Variants in PCMTD1 observed in about 807,000 individuals in gnomAD.
The protein encoded by PCMTD1 is protein-L-isoaspartate (D-aspartate) O-methyltransferase domain containing 1, also known as protein-L-isoaspartate O-methyltransferase domain-containing protein 1.
A neutral mutation model predicts 37.6 loss-of-function variants in PCMTD1; 12 were observed. The ratio of observed to expected loss-of-function variants is 0.32; its 90% CI spans 0.20 to 0.52. The LOEUF (loss-of-function observed/expected upper bound fraction) is 0.52, where lower values mean the gene tolerates loss of function less well. Among genes scored for constraint, PCMTD1 ranks in the 20% least tolerant of loss-of-function variants. PCMTD1 has a pLI of 0.97. For synonymous variants in PCMTD1, 117 were observed against 135.8 expected (o/e 0.86, Z 0.96); for missense variants, 235 against 421.3 (o/e 0.56, Z 3.87).
At chr8:51,877,293 A>G (rs13257291) in intron 1 of PCMTD1, among the ~76,000 whole-genome samples, 104,601 of 152,148 alleles carry the variant, frequency 0.69, 42,404 homozygotes, top group Non-Finnish European at 0.9. Flanking sequence ...CTTACATTTT[A>G]TATCTGTCCT....
At chr8:51,835,473 C>A (rs1224269112) in intron 3 of PCMTD1, among the ~76,000 whole-genome samples, 1 of 152,056 alleles carries the variant, frequency 6.6e-6, no homozygotes, top group Non-Finnish European at 1.5e-5. Context: ...TAATTTTTGG[C>A]TTTTAAGTAA....
At chr8:51,888,655 A>T (rs769498125) in intron 1 of PCMTD1, among the ~76,000 whole-genome samples, 2 of 152,254 alleles carry the variant, frequency 1.3e-5, no homozygotes, top group Non-Finnish European at 2.9e-5. Context: ...GAATCAAATG[A>T]AATAATGTGC....
At chr8:51,874,053 C>G (rs1295426725) in intron 1 of PCMTD1, among the ~76,000 whole-genome samples, 1 of 152,060 alleles carries the variant, frequency 6.6e-6, no homozygotes, top group Non-Finnish European at 1.5e-5. Context: ...GCACGCACCA[C>G]CACGCCTGGC....
At chr8:51,895,261 ACAGAC>A (rs952072463) in intron 1 of PCMTD1, among the ~76,000 whole-genome samples, 5 of 152,210 alleles carry the variant, frequency 3.3e-5, no homozygotes, top group African/African-American at 1.2e-4. Context: ...AGTCACCAAG[ACAGAC>A]CTTCACAGCA....
In PCMTD1 at chr8:51,898,975, G is replaced by A. The variant is rs778479256; in HGVS notation, c.-141C>T. The stretch of plus-strand genomic sequence containing the variant: ...CGCAGGCCAGGCGCTAGGACTCGGC[G>A]GGGTCCGCAGCAGCCAGACGCCGCT... On this transcript the variant is annotated 5_prime_UTR_variant, in exon 1 of 6. Coordinates refer to ENST00000522514, the MANE Select transcript of PCMTD1 (RefSeq NM_052937.4). The A allele has an allele frequency of 6.7e-7, 1 of 1,493,004 alleles. No individual in the cohort carries two copies. Among genetic ancestry groups the A allele is most frequent in the South Asian group, 1.3e-5 (1 of 78,878 alleles). The allele number at this position is 1,493,004 out of a possible 1,614,324, so 92.5% of individuals were successfully genotyped here.
chr8:51,849,455 TG>T (rs773113260), intron 2 of PCMTD1: 1 of 152,162 alleles, frequency 6.6e-6, no homozygotes, highest in Non-Finnish European at 1.5e-5. Context: ...GCTTAATTTT[TG>T]TAACTTTTTT....
intron 2 of PCMTD1, among the ~76,000 whole-genome samples, chr8:51,846,873 A>G (rs6997972): frequency 0.96 from 146,656 of 152,288 alleles, 70,714 homozygotes; most frequent in East Asian, 1. Flanking sequence ...CCCAAAATCC[A>G]ATAAGGATAA....
At chr8:51,891,975 T>A (rs918567385) in intron 1 of PCMTD1, among the ~76,000 whole-genome samples, 6 of 152,174 alleles carry the variant, frequency 3.9e-5, no homozygotes, top group Admixed American at 3.9e-4. Context: ...CACGAATATA[T>A]TGTTTCTGTT....
chr8:51,893,163 GA>G (rs1008341491), intron 1 of PCMTD1, among the ~76,000 whole-genome samples: 2 of 151,914 alleles, frequency 1.3e-5, no homozygotes, highest in African/African-American at 4.8e-5. Flanking sequence ...ATTCCAAAAA[GA>G]AAACGTCTCT....
chr8:51,850,628 G>GC (rs1406543534), intron 2 of PCMTD1, among the ~76,000 whole-genome samples: 2 of 152,088 alleles, frequency 1.3e-5, no homozygotes, highest in Non-Finnish European at 2.9e-5. Context: ...TTATAGTAAA[G>GC]TAACATCAAG....
chr8:51,889,923 G>T (rs777038751), intron 1 of PCMTD1, among the ~76,000 whole-genome samples: 4 of 136,894 alleles, frequency 2.9e-5, no homozygotes, highest in Non-Finnish European at 6.1e-5. Context: ...AGTGTGAAGT[G>T]AATTAATTTT....
intron 1 of PCMTD1, among the ~76,000 whole-genome samples, chr8:51,863,924 CAAA>C (rs35179050): frequency 8.2e-5 from 10 of 121,704 alleles, no homozygotes; most frequent in Non-Finnish European, 8.2e-5. Flanking sequence ...GATTCCCTCT[CAAA>C]AAAAAAAAAA....
intron 1 of PCMTD1, among the ~76,000 whole-genome samples, chr8:51,884,632 T>C (rs2038838915): frequency 6.6e-6 from 1 of 152,238 alleles, no homozygotes; most frequent in African/African-American, 2.4e-5. Flanking sequence ...AAGGACTTTG[T>C]TTCCCGGCCT....
upstream of PCMTD1, chr8:51,899,119 G>C: frequency 7.0e-7 from 1 of 1,425,502 alleles, no homozygotes. Context: ...CATGCGCAGA[G>C]AACCACGGGC....
intron 2 of PCMTD1, among the ~76,000 whole-genome samples, chr8:51,846,132 A>C (rs1271315064): frequency 6.6e-6 from 1 of 152,190 alleles, no homozygotes; most frequent in Non-Finnish European, 1.5e-5. Context: ...AAAATTGGTA[A>C]TTCAAAATAC....
At chr8:51,837,781 T>G (rs575609070) in intron 3 of PCMTD1, among the ~76,000 whole-genome samples, 2 of 152,142 alleles carry the variant, frequency 1.3e-5, no homozygotes, top group Non-Finnish European at 2.9e-5. Context: ...ATCTATCTAT[T>G]TATTTATTTT....
intron 5 of PCMTD1, among the ~76,000 whole-genome samples, chr8:51,828,370 G>A (rs2037951306): frequency 6.6e-6 from 1 of 152,102 alleles, no homozygotes; most frequent in African/African-American, 2.4e-5. Flanking sequence ...AAGAAGTAGG[G>A]ACCAGTAACT....
At chr8:51,869,804 T>A (rs1000020008) in intron 1 of PCMTD1, among the ~76,000 whole-genome samples, 7 of 152,190 alleles carry the variant, frequency 4.6e-5, no homozygotes, top group African/African-American at 7.2e-5. Flanking sequence ...TGTTTACTCA[T>A]AAAACACAAT....
intron 2 of PCMTD1, among the ~76,000 whole-genome samples, chr8:51,859,848 T>C (rs1170628561): frequency 6.6e-6 from 1 of 152,192 alleles, no homozygotes; most frequent in Non-Finnish European, 1.5e-5. Flanking sequence ...CTCATCCTTA[T>C]TAACTTAGGG....
Sources: allele counts gnomAD v4.1 joint callset (sites outside exome capture counted in the v4.1 genomes callset), GRCh38; gene constraint gnomAD v4.1.1; transcripts MANE v1.5; gene names NCBI Gene and HGNC (gene_info 2026-07-23, HGNC 2026-07-21).